Variants in APMAP observed in about 807,000 individuals in gnomAD.
APMAP encodes the protein adipocyte plasma membrane associated protein, also known as adipocyte plasma membrane-associated protein.
Under a neutral mutation model 43.6 loss-of-function variants are expected in APMAP, and 33 were observed. The ratio of observed to expected loss-of-function variants is 0.76; its 90% CI spans 0.57 to 1.01. APMAP has a LOEUF of 1.01. Among genes scored for constraint, APMAP ranks in the 50% least tolerant of loss-of-function variants. The pLI is 0.00. For missense variants in APMAP, 498 were observed against 540.7 expected, an observed-to-expected ratio of 0.92 and a Z score of 0.78; for synonymous variants, 224 against 216.7, an observed-to-expected ratio of 1.03 and a Z score of -0.30.
intron 8 of APMAP, among the ~76,000 whole-genome samples, chr20:24,968,311 A>G (rs945768795): frequency 6.6e-5 from 10 of 152,134 alleles, no homozygotes; most frequent in African/African-American, 2.2e-4. Context: ...TTTTTTTTAA[A>G]AAGGGAAAGA....
intron 3 of APMAP, 31 bp downstream of exon 3, chr20:24,978,736 A>G: frequency 9.7e-7 from 1 of 1,033,076 alleles, no homozygotes. Flanking sequence ...ACAGCCTGGA[A>G]GGCTCCCCCC....
At chr20:24,966,050 C>G (rs2087939999) in intron 8 of APMAP, among the ~76,000 whole-genome samples, 1 of 152,176 alleles carries the variant, frequency 6.6e-6, no homozygotes, top group Non-Finnish European at 1.5e-5. Context: ...GACCTGGGAG[C>G]AGCGACACCC....
Position 24,969,027 on chromosome 20 carries a change from A to G in APMAP, c.906T>C (p.Pro302=), listed in dbSNP as rs138490618. 5.0e-6 allele frequency: 8 copies of G among 1,613,846 alleles called. No individual in the cohort carries two copies. The Admixed American group carries it at 8.3e-5, about 17-fold the overall frequency. ...TGGGCCGGATGTTGTCTGGAAATCC[A>G]GGCATGTTCTCCACAAACAGATCAG... ...GGADLFVENM[P]GFPDNIRPSS... is the part of the protein sequence containing the mutation. The change falls in exon 8 of 9, where the codon CCT becomes CCC. Residue 302 remains proline (P), a synonymous_variant. Coordinates refer to ENST00000217456, the MANE Select transcript of APMAP (RefSeq NM_020531.3).
intron 1 of APMAP, among the ~76,000 whole-genome samples, chr20:24,985,608 T>C (rs1157812309): frequency 1.3e-5 from 2 of 152,194 alleles, no homozygotes; most frequent in East Asian, 3.8e-4. Context: ...AATTAACAGT[T>C]TTCTAAGTAA....
intron 6 of APMAP, 59 bp from the exon 7 acceptor site, chr20:24,969,719 C>A: frequency 6.4e-7 from 1 of 1,565,396 alleles, no homozygotes; most frequent in Non-Finnish European, 8.7e-7. Context: ...CACTCTGGGC[C>A]TTCAGGGTAT....
intron 1 of APMAP, among the ~76,000 whole-genome samples, chr20:24,990,319 C>T (rs575080870): frequency 6.6e-6 from 1 of 152,322 alleles, no homozygotes; most frequent in Non-Finnish European, 1.5e-5. Flanking sequence ...CAGTCATTGT[C>T]CAGCTGCCAG....
At chr20:24,967,891 CCA>C (rs763515765) in intron 8 of APMAP, among the ~76,000 whole-genome samples, 41 of 152,164 alleles carry the variant, frequency 2.7e-4, no homozygotes, top group Non-Finnish European at 4.9e-4. Flanking sequence ...TTAGGACTTC[CCA>C]CACAGCGACC....
At chr20:24,983,355 T>C (rs1600288955) in intron 2 of APMAP, among the ~76,000 whole-genome samples, 2 of 152,300 alleles carry the variant, frequency 1.3e-5, no homozygotes, top group East Asian at 3.9e-4. Flanking sequence ...TATGTCAACA[T>C]GGAAGTCATA....
intron 3 of APMAP, among the ~76,000 whole-genome samples, chr20:24,975,080 T>C (rs1292486859): frequency 3.3e-5 from 5 of 152,156 alleles, no homozygotes; most frequent in African/African-American, 1.2e-4. Context: ...ATCATACTTA[T>C]GGATGACAAA....
intron 8 of APMAP, among the ~76,000 whole-genome samples, chr20:24,967,965 C>G (rs2087960404): frequency 6.6e-6 from 1 of 152,260 alleles, no homozygotes; most frequent in South Asian, 2.1e-4. Flanking sequence ...ACGCAGCCCC[C>G]AGGAGGGGTC....
intron 7 of APMAP, 118 bp downstream of exon 7, chr20:24,969,408 C>G (rs938129138): frequency 1.4e-6 from 2 of 1,421,196 alleles, no homozygotes; most frequent in East Asian, 4.7e-5. Flanking sequence ...CTTTAACATG[C>G]CATGCAGAAG....
intron 8 of APMAP, among the ~76,000 whole-genome samples, chr20:24,968,144 C>T (rs1389359207): frequency 6.6e-6 from 1 of 152,210 alleles, no homozygotes; most frequent in Non-Finnish European, 1.5e-5. Context: ...CACAAGTGCC[C>T]ACATCAGCAA....
chr20:24,986,896 G>A (rs911131508), intron 1 of APMAP, among the ~76,000 whole-genome samples: 1 of 152,218 alleles, frequency 6.6e-6, no homozygotes, highest in Non-Finnish European at 1.5e-5. Context: ...CAGACCTAGA[G>A]CCCTCAGAGC....
At chr20:24,964,139 GC>G in intron 8 of APMAP, 117 bp from the exon 9 acceptor site, 1 of 1,080,994 alleles carries the variant, frequency 9.3e-7, no homozygotes, top group Non-Finnish European at 1.4e-6. Flanking sequence ...TGACAGGGCA[GC>G]CCCACAGGGC....
rs760052350 is a variant in APMAP at position 24,967,799 on chromosome 20, T to C, written c.1041+1093A>G. On this transcript the variant is annotated intron_variant, in intron 8 of 8. Coordinates refer to ENST00000217456, the MANE Select transcript of APMAP (RefSeq NM_020531.3). The stretch of plus-strand genomic sequence containing the variant: ...CCCCTGTGCTAGCCCACCTGCCATT[T>C]TGCCTCCCCCTAGGTCCCAGCAGGA... Among the ~76,000 whole-genome samples, 179 of 152,192 alleles carry C rather than the reference T, an allele frequency of 1.2e-3. 5 individuals carry two copies. The highest frequency in any genetic ancestry group is 3.5e-4 in the Non-Finnish European group (24 of 68,026).
In APMAP at chr20:24,968,970, C is replaced by G. The variant is rs1179330057; in HGVS notation, c.963G>C (p.Ser321=). 1 of 1,613,960 alleles carries G rather than the reference C, an allele frequency of 6.2e-7. No homozygotes were observed. The highest frequency in any genetic ancestry group is 2.2e-5 in the East Asian group (1 of 44,874). ...SSSGGYWVGM[S]TIRPNPGFSM... ...AAAACCCAGGGTTAGGGCGGATGGT[C>G]GACATGCCCACCCAGTACCCCCCAG... The change falls in exon 8 of 9, where the codon TCG becomes TCC. Residue 321 remains serine, a synonymous_variant. Coordinates refer to ENST00000217456, the MANE Select transcript of APMAP (RefSeq NM_020531.3).
chr20:24,972,429 T>C (rs1347523563), intron 4 of APMAP, among the ~76,000 whole-genome samples: 2 of 148,360 alleles, frequency 1.3e-5, no homozygotes, highest in South Asian at 2.2e-4. Flanking sequence ...GAGTGCTCAC[T>C]GCAGGCGCTT....
In APMAP at chr20:24,973,708, G is replaced by A. The variant is rs185162626; in HGVS notation, c.358C>T (p.Arg120Trp). The change falls in exon 4 of 9, where the codon CGG becomes TGG. Residue 120 changes from arginine (R) to tryptophan (W), a missense_variant. Transcript: ENST00000217456. ...DVMFTGTADG[R>W]VVKLENGEIE... ...TCACCATTTTCAAGTTTTACGACCC[G>A]GCCATCTGCTGTCCCAGTAAACATC... 196 of 1,614,066 alleles carry A rather than the reference G, an allele frequency of 1.2e-4. No homozygotes were observed. The highest frequency in any genetic ancestry group is 1.4e-4 in the Non-Finnish European group (167 of 1,179,970).
intron 8 of APMAP, among the ~76,000 whole-genome samples, chr20:24,967,536 T>C (rs1308788574): frequency 6.6e-6 from 1 of 152,126 alleles, no homozygotes; most frequent in East Asian, 1.9e-4. Flanking sequence ...AAATGAACTA[T>C]GCATGAACTA....
Sources: allele counts gnomAD v4.1 joint callset (sites outside exome capture counted in the v4.1 genomes callset), GRCh38; gene constraint gnomAD v4.1.1; transcripts MANE v1.5; gene names NCBI Gene and HGNC (gene_info 2026-07-23, HGNC 2026-07-21).